The following DIAPH3 variants were observed in gnomAD, a reference collection of about 807,000 sequenced individuals.
DIAPH3 encodes the protein diaphanous related formin 3.
In DIAPH3, 117 loss-of-function variants were observed where a neutral mutation model predicts 144.3. The observed-to-expected ratio is 0.81, with a 90% CI of 0.70 to 0.95. The LOEUF is 0.95. Ranked by LOEUF, DIAPH3 falls within the 40% of genes least tolerant of loss-of-function variation. The pLI is 0.00. For missense variants in DIAPH3, 1,421 were observed against 1,412.7 expected (o/e 1.01, Z -0.09); for synonymous variants, 519 against 488.9 (o/e 1.06, Z -0.81).
chr13:59,787,155 T>C (rs1269234361), intron 25 of DIAPH3, among the ~76,000 whole-genome samples: 2 of 152,134 alleles, frequency 1.3e-5, no homozygotes, highest in East Asian at 3.9e-4. Flanking sequence ...TCATATCAAA[T>C]ACACATGACA....
rs1214836073 is a variant in DIAPH3 at position 59,990,160 on chromosome 13, A to G, written c.1361+998T>C. Among the ~76,000 whole-genome samples, 5 of 152,008 alleles carry G rather than the reference A, an allele frequency of 3.3e-5. No individual in the cohort carries two copies. The East Asian group carries it at 9.7e-4, about 30-fold the overall frequency. ...ATTAAAAAAATCAGTTACTAAACTC[A>G]TATTTTAGAATATCAGTGGGATTTC... On this transcript the variant is annotated intron_variant, in intron 12 of 27. Coordinates refer to ENST00000400324, the MANE Select transcript of DIAPH3 (RefSeq NM_001042517.2).
intron 23 of DIAPH3, among the ~76,000 whole-genome samples, chr13:59,836,321 C>T (rs370567725): frequency 4.0e-4 from 61 of 151,870 alleles, no homozygotes; most frequent in African/African-American, 1.3e-3. Flanking sequence ...TTAGTAAGTA[C>T]GTACACCTCA....
At chr13:59,854,264 T>C (rs67057069) in intron 22 of DIAPH3, among the ~76,000 whole-genome samples, 8,719 of 152,226 alleles carry the variant, frequency 0.057, 302 homozygotes, top group Admixed American at 0.1. Context: ...ATGCCAACCC[T>C]ACTAATACTA....
intron 5 of DIAPH3, among the ~76,000 whole-genome samples, chr13:60,030,942 C>A (rs984167904): frequency 6.6e-6 from 1 of 152,166 alleles, no homozygotes; most frequent in Admixed American, 6.5e-5. Context: ...CTTAGCCCTG[C>A]AGAGGGACTG....
intron 17 of DIAPH3, among the ~76,000 whole-genome samples, chr13:59,935,119 C>G (rs1344404702): frequency 6.6e-6 from 1 of 152,192 alleles, no homozygotes; most frequent in African/African-American, 2.4e-5. Flanking sequence ...TTGACAGACT[C>G]CCATTTGCAA....
At chr13:60,081,883 G>A (rs1238029377) in intron 4 of DIAPH3, among the ~76,000 whole-genome samples, 1 of 152,016 alleles carries the variant, frequency 6.6e-6, no homozygotes, top group Non-Finnish European at 1.5e-5. Context: ...ATCTGAAGGG[G>A]CTGGAGCACT....
chr13:59,746,979 A>G (rs1395653931), intron 27 of DIAPH3, among the ~76,000 whole-genome samples: 1 of 152,226 alleles, frequency 6.6e-6, no homozygotes, highest in Non-Finnish European at 1.5e-5. Flanking sequence ...AATGAGATGC[A>G]AAAAATTATG....
intron 21 of DIAPH3, among the ~76,000 whole-genome samples, chr13:59,867,951 A>G (rs894644187): frequency 6.6e-6 from 1 of 152,128 alleles, no homozygotes; most frequent in African/African-American, 2.4e-5. Context: ...GATCAAAGAC[A>G]TAAAAAAGAT....
rs890289199 is a variant in DIAPH3 at position 60,058,273 on chromosome 13, G to A, written c.496-15453C>T. On this transcript the variant is annotated intron_variant, in intron 4 of 27. Transcript: ENST00000400324. ...ACACTTCTCAAAAGAAGATATAAAT[G>A]GACAAAAAAAATGAAAAATTGCTCA... 5.4e-4 allele frequency among the ~76,000 whole-genome samples: 81 copies of A among 150,398 alleles called. 3 individuals carry two copies. The highest frequency in any genetic ancestry group is 7.4e-5 in the Non-Finnish European group (5 of 67,548).
chr13:59,879,555 T>C (rs904145807), intron 20 of DIAPH3, 87 bp from the exon 21 acceptor site: 2 of 1,569,462 alleles, frequency 1.3e-6, no homozygotes, highest in Admixed American at 1.7e-5. Context: ...GGATGATTTA[T>C]TGGTATGACA....
chr13:60,148,523 TA>T (rs1951638097), intron 1 of DIAPH3, among the ~76,000 whole-genome samples: 1 of 152,114 alleles, frequency 6.6e-6, no homozygotes, highest in South Asian at 2.1e-4. Flanking sequence ...TAAGTGGTAG[TA>T]AAAGCTAAAG....
intron 23 of DIAPH3, among the ~76,000 whole-genome samples, chr13:59,835,831 C>T (rs894379458): frequency 5.3e-5 from 8 of 151,672 alleles, no homozygotes; most frequent in Non-Finnish European, 1.0e-4. Context: ...TACTAAATTC[C>T]TTTATCTGAA....
intron 4 of DIAPH3, among the ~76,000 whole-genome samples, chr13:60,085,712 T>C (rs912820710): frequency 2.0e-5 from 3 of 152,206 alleles, no homozygotes; most frequent in Non-Finnish European, 4.4e-5. Flanking sequence ...TCTTAAATTT[T>C]CACTTTTTCC....
chr13:59,995,244 A>C (rs995384143), intron 9 of DIAPH3, among the ~76,000 whole-genome samples: 5 of 151,888 alleles, frequency 3.3e-5, no homozygotes, highest in African/African-American at 1.2e-4. Context: ...GGAGATACTC[A>C]TACTCAAAAA....
chr13:60,087,015 C>A (rs567862397), intron 4 of DIAPH3, among the ~76,000 whole-genome samples: 1 of 152,272 alleles, frequency 6.6e-6, no homozygotes, highest in East Asian at 1.9e-4. Context: ...ATATAACATT[C>A]ACATCCTCCC....
intron 19 of DIAPH3, among the ~76,000 whole-genome samples, chr13:59,915,045 G>A (rs2047163372): frequency 6.6e-6 from 1 of 152,000 alleles, no homozygotes. Context: ...AAACATTCAT[G>A]TAATCAAGCT....
intron 25 of DIAPH3, among the ~76,000 whole-genome samples, chr13:59,802,664 ATTATTTTT>A (rs1215084464): frequency 9.2e-5 from 3 of 32,536 alleles, no homozygotes; most frequent in African/African-American, 2.2e-4. Flanking sequence ...TATTATTATT[ATTATTTTT>A]TTTTTTTTTT....
intron 25 of DIAPH3, among the ~76,000 whole-genome samples, chr13:59,789,489 T>A (rs964362428): frequency 1.3e-5 from 2 of 152,190 alleles, no homozygotes; most frequent in African/African-American, 4.8e-5. Flanking sequence ...GAATAAAGAA[T>A]GAAATGGTTT....
At chr13:60,009,029 A>C (rs1358626959) in intron 8 of DIAPH3, among the ~76,000 whole-genome samples, 5 of 152,186 alleles carry the variant, frequency 3.3e-5, no homozygotes, top group African/African-American at 1.2e-4. Flanking sequence ...CCAAGGTCTC[A>C]TATCTGTGAA....
Sources: gnomAD v4.1 joint callset for allele counts (sites outside exome capture counted in the v4.1 genomes callset) on GRCh38, gnomAD v4.1.1 for gene constraint, MANE v1.5 for transcripts, NCBI Gene and HGNC (gene_info 2026-07-23, HGNC 2026-07-21) for gene names.